Variants in SLC24A2 observed in about 807,000 individuals in gnomAD.
SLC24A2 encodes the protein solute carrier family 24 member 2, also known as sodium/potassium/calcium exchanger 2.
Under a neutral mutation model 62.0 loss-of-function variants are expected in SLC24A2, and 36 were observed. The ratio of observed to expected loss-of-function variants is 0.58; its 90% CI spans 0.44 to 0.77. SLC24A2 has a LOEUF of 0.77. Ranked by LOEUF, SLC24A2 falls within the 30% of genes least tolerant of loss-of-function variation. SLC24A2 has a pLI of 0.00. For missense variants in SLC24A2, 846 were observed against 817.9 expected (o/e 1.03, Z -0.42); for synonymous variants, 358 against 294.0 (o/e 1.22, Z -2.23).
At chr9:19,577,181 C>T (rs1223745158) in intron 5 of SLC24A2, among the ~76,000 whole-genome samples, 159 bp from the exon 6 acceptor site, 1 of 152,182 alleles carries the variant, frequency 6.6e-6, no homozygotes, top group African/African-American at 2.4e-5. Context: ...AGGGTACTTT[C>T]TTGCCTTTGT....
At chr9:20,059,703 A>T in the SLC24A2 span, among the ~76,000 whole-genome samples, 2 of 152,144 alleles carry the variant, frequency 1.3e-5, no homozygotes, top group Non-Finnish European at 2.9e-5. Flanking sequence ...AAAAGAAGAA[A>T]GATCTCTCGC....
At chr9:19,763,459 T>A (rs185074501) in intron 2 of SLC24A2, among the ~76,000 whole-genome samples, 45 of 152,376 alleles carry the variant, frequency 3.0e-4, no homozygotes, top group African/African-American at 1.0e-3. Context: ...GAGTTTGTCA[T>A]AAATAGCTCT....
chr9:19,792,802 CT>C (rs202229981), upstream of SLC24A2, among the ~76,000 whole-genome samples: 3,380 of 152,154 alleles, frequency 0.022, 38 homozygotes, highest in Admixed American at 0.036. Flanking sequence ...TTAATCATTT[CT>C]TTCTTCATTC....
chr9:19,712,031 A>G (rs1030271106), intron 2 of SLC24A2, among the ~76,000 whole-genome samples: 1 of 152,016 alleles, frequency 6.6e-6, no homozygotes, highest in African/African-American at 2.4e-5. Context: ...AATGGAGGAC[A>G]GTTTTCTGTG....
chr9:19,742,276 T>C (rs909446189), intron 2 of SLC24A2, among the ~76,000 whole-genome samples: 2 of 152,168 alleles, frequency 1.3e-5, no homozygotes, highest in South Asian at 4.1e-4. Context: ...TTAGGCAAAA[T>C]GTGCTGTGGA....
At chr9:19,614,752 G>A (rs78631751) in intron 4 of SLC24A2, among the ~76,000 whole-genome samples, 2,334 of 152,014 alleles carry the variant, frequency 0.015, 25 homozygotes, top group Middle Eastern at 0.024. Flanking sequence ...CTATCCACAT[G>A]GAAAGGTCCT....
At chr9:20,287,037 G>C in the SLC24A2 span, among the ~76,000 whole-genome samples, 1 of 152,196 alleles carries the variant, frequency 6.6e-6, no homozygotes, top group Non-Finnish European at 1.5e-5. Context: ...AGTGAGTCTA[G>C]AGTAGAGGCC....
the SLC24A2 span, among the ~76,000 whole-genome samples, chr9:20,007,874 C>CCT: frequency 7.9e-4 from 93 of 117,298 alleles, 4 homozygotes; most frequent in Middle Eastern, 4.5e-3. Flanking sequence ...TCTTCTTACT[C>CCT]CTCTCTTTTT....
At chr9:20,025,664 C>G in the SLC24A2 span, among the ~76,000 whole-genome samples, 1 of 152,116 alleles carries the variant, frequency 6.6e-6, no homozygotes, top group Non-Finnish European at 1.5e-5. Flanking sequence ...AAAGGTTCTG[C>G]TATAGAACTC....
the SLC24A2 span, among the ~76,000 whole-genome samples, chr9:20,227,745 C>A: frequency 1.3e-5 from 2 of 152,112 alleles, no homozygotes; most frequent in African/African-American, 4.8e-5. Flanking sequence ...AAGACTGAAT[C>A]TCTAATGTTA....
intron 7 of SLC24A2, among the ~76,000 whole-genome samples, chr9:19,550,936 G>A (rs1427030371): frequency 6.6e-6 from 1 of 151,886 alleles, no homozygotes; most frequent in Non-Finnish European, 1.5e-5. Flanking sequence ...AGGGTATTTG[G>A]GGCCTCCATC....
At chr9:20,215,616 G>T in the SLC24A2 span, among the ~76,000 whole-genome samples, 4 of 152,284 alleles carry the variant, frequency 2.6e-5, no homozygotes, top group South Asian at 8.3e-4. Flanking sequence ...ACTTACCAAT[G>T]TTATCGCCTT....
At chr9:20,086,602 C>G in the SLC24A2 span, among the ~76,000 whole-genome samples, 5 of 152,098 alleles carry the variant, frequency 3.3e-5, no homozygotes, top group Admixed American at 3.3e-4. Context: ...TGGGGTCTCC[C>G]CTCACAGGTT....
chr9:19,555,920 G>T (rs1835066676), intron 7 of SLC24A2, among the ~76,000 whole-genome samples: 1 of 152,052 alleles, frequency 6.6e-6, no homozygotes, highest in Non-Finnish European at 1.5e-5. Context: ...ACTCTAGCCT[G>T]GCAACACAGA....
intron 7 of SLC24A2, among the ~76,000 whole-genome samples, chr9:19,559,034 C>T (rs1042893549): frequency 2.0e-5 from 3 of 152,140 alleles, no homozygotes; most frequent in Non-Finnish European, 4.4e-5. Context: ...TCTTAAATAC[C>T]CATTCTTTTA....
At chr9:20,019,578 G>C in the SLC24A2 span, among the ~76,000 whole-genome samples, 2 of 152,094 alleles carry the variant, frequency 1.3e-5, no homozygotes, top group African/African-American at 2.4e-5. Context: ...ACTCAAGGTG[G>C]ATAAAAGATT....
intron 4 of SLC24A2, among the ~76,000 whole-genome samples, chr9:19,616,445 A>T (rs1817769865): frequency 1.3e-5 from 2 of 152,192 alleles, no homozygotes; most frequent in Non-Finnish European, 2.9e-5. Flanking sequence ...TGGGATCTGG[A>T]CCCAGAGTCT....
the SLC24A2 span, among the ~76,000 whole-genome samples, chr9:19,885,419 A>G: frequency 1.3e-5 from 2 of 152,192 alleles, no homozygotes; most frequent in Non-Finnish European, 2.9e-5. Context: ...TTTAATGTAT[A>G]GAGAACTTAC....
chr9:20,171,362 A>C, the SLC24A2 span, among the ~76,000 whole-genome samples: 1 of 152,066 alleles, frequency 6.6e-6, no homozygotes, highest in Non-Finnish European at 1.5e-5. Flanking sequence ...AGTACCTCAC[A>C]TATAAATACT....
Sources: gnomAD v4.1 joint callset for allele counts (sites outside exome capture counted in the v4.1 genomes callset) on GRCh38, gnomAD v4.1.1 for gene constraint, MANE v1.5 for transcripts, NCBI Gene and HGNC (gene_info 2026-07-23, HGNC 2026-07-21) for gene names.